Variants in FAM53A observed in about 807,000 individuals in gnomAD.
The protein encoded by FAM53A is protein FAM53A.
A neutral mutation model predicts 26.6 loss-of-function variants in FAM53A; 28 were observed. That is an observed-to-expected ratio of 1.05 (90% CI 0.78 to 1.45). The LOEUF is 1.45. Ranked by LOEUF, FAM53A falls within the 40% of genes most tolerant of loss-of-function variation. The pLI is 0.00. For synonymous variants in FAM53A, 290 were observed against 253.1 expected, an observed-to-expected ratio of 1.15 and a Z score of -1.38; for missense variants, 650 against 575.8, an observed-to-expected ratio of 1.13 and a Z score of -1.32.
At chr4:1,613,758 A>G (rs574381749), downstream of FAM53A, among the ~76,000 whole-genome samples, 2 of 152,310 alleles carry the variant, frequency 1.3e-5, no homozygotes, top group South Asian at 4.2e-4. Context: ...GCCACAGGAG[A>G]AAAACCACAC....
chr4:1,652,588 TCA>T lies in FAM53A; in HGVS notation c.882+2388_882+2389del, dbSNP rs1352197166. On this transcript the variant is annotated intron_variant, in intron 4 of 4. Transcript: ENST00000308132. The stretch of plus-strand genomic sequence containing the variant: ...ACACACACCACACACAGGCCACACA[TCA>T]CACACACCACACATCACTCACCACA... 4.2e-4 allele frequency among the ~76,000 whole-genome samples: 34 copies of T among 80,512 alleles called. No homozygotes were observed. In the East Asian group the frequency reaches 7.4e-3, roughly 18 times the overall value. 52.8% of individuals were successfully genotyped at this position (80,512 alleles called of 152,430 possible).
chr4:1,605,942 T>C, the FAM53A span, among the ~76,000 whole-genome samples: 1 of 152,202 alleles, frequency 6.6e-6, no homozygotes, highest in South Asian at 2.1e-4. This position sits in a 1 kb window ranked among gnomAD's most constrained non-coding sequence, Gnocchi z 5.7. Context: ...AAACTGGAAG[T>C]GCTCTCTTTG....
At chr4:1,620,924 G>A (rs548069253) in intron 1 of FAM53A, among the ~76,000 whole-genome samples, 2 of 152,154 alleles carry the variant, frequency 1.3e-5, no homozygotes, top group South Asian at 2.1e-4. Context: ...CACCACATAC[G>A]TAGGCAACCT....
downstream of FAM53A, among the ~76,000 whole-genome samples, chr4:1,616,599 T>C (rs1324391355): frequency 6.6e-6 from 1 of 152,262 alleles, no homozygotes; most frequent in African/African-American, 2.4e-5. Context: ...GGCAAAATAG[T>C]TTATTTGAGC....
chr4:1,630,194 G>C lies in FAM53A; in HGVS notation c.432-12083C>G, dbSNP rs1274255080. On this transcript the variant is annotated intron_variant, in intron 1 of 1. Transcript: ENST00000489029. The surrounding 1 kb of genome is among the most constrained non-coding windows in gnomAD (Gnocchi z 4.3). The stretch of plus-strand genomic sequence containing the variant: ...CATCCCCTTCCAAGCTGTCGGAGCT[G>C]CCCACGAGGCAGGTGCACAAGACAG... 1.3e-5 allele frequency among the ~76,000 whole-genome samples: 2 copies of C among 152,184 alleles called. No homozygotes were observed. Among genetic ancestry groups the C allele is most frequent in the African/African-American group, 4.8e-5 (2 of 41,438 alleles).
intron 4 of FAM53A, among the ~76,000 whole-genome samples, chr4:1,649,116 A>AG (rs1326955701): frequency 7.5e-6 from 1 of 133,108 alleles, no homozygotes; most frequent in African/African-American, 2.9e-5. Context: ...AGAAAGGGAA[A>AG]GGGAAGAGGA....
chr4:1,578,415 G>C, the FAM53A span, among the ~76,000 whole-genome samples: 1 of 133,694 alleles, frequency 7.5e-6, no homozygotes, highest in Non-Finnish European at 1.7e-5. Context: ...CGGTGCGTGC[G>C]CTAGTGCCCG....
chr4:1,632,597 T>C (rs1560120415), intron 1 of FAM53A, among the ~76,000 whole-genome samples: 1 of 152,212 alleles, frequency 6.6e-6, no homozygotes, highest in East Asian at 1.9e-4. Flanking sequence ...TCTGCGCCCT[T>C]AGAGTAGAGC....
chr4:1,605,770 GC>G, the FAM53A span, among the ~76,000 whole-genome samples: 2 of 152,196 alleles, frequency 1.3e-5, no homozygotes, highest in East Asian at 1.9e-4. This position sits in a 1 kb window ranked among gnomAD's most constrained non-coding sequence, Gnocchi z 5.7. Context: ...AAACCCTGGG[GC>G]GGGCACAGCT....
chr4:1,669,710 G>C (rs1714492321), intron 1 of FAM53A, among the ~76,000 whole-genome samples: 1 of 152,240 alleles, frequency 6.6e-6, no homozygotes, highest in Non-Finnish European at 1.5e-5. Flanking sequence ...AGCAAAACCA[G>C]CAACTTGGAG....
downstream of FAM53A, among the ~76,000 whole-genome samples, chr4:1,614,301 G>A (rs1253505220): frequency 6.6e-6 from 1 of 151,986 alleles, no homozygotes; most frequent in African/African-American, 2.4e-5. Flanking sequence ...GCCTGCTGAG[G>A]AGCACCCAAG....
chr4:1,622,260 G>A (rs372803012), intron 1 of FAM53A, among the ~76,000 whole-genome samples: 11 of 152,200 alleles, frequency 7.2e-5, no homozygotes, highest in Non-Finnish European at 1.3e-4. Context: ...TCCAGCCAGC[G>A]TGACGGTCAG....
chr4:1,604,092 T>C, the FAM53A span, among the ~76,000 whole-genome samples: 1 of 151,970 alleles, frequency 6.6e-6, no homozygotes, highest in African/African-American at 2.4e-5. Flanking sequence ...CCAGGCAGGG[T>C]GCCTGCCCCT....
At chr4:1,637,198 G>A (rs1715882886), downstream of FAM53A, among the ~76,000 whole-genome samples, 1 of 152,072 alleles carries the variant, frequency 6.6e-6, no homozygotes, top group South Asian at 2.1e-4. Flanking sequence ...GGTGGGGGGT[G>A]GGGGCGGGGA....
At chr4:1,610,222 C>A in the FAM53A span, among the ~76,000 whole-genome samples, 1 of 152,020 alleles carries the variant, frequency 6.6e-6, no homozygotes, top group Non-Finnish European at 1.5e-5. Context: ...CAACCCCTCC[C>A]TACACCCCAC....
At chr4:1,641,678 A>C in intron 4 of FAM53A, 71 bp from the exon 5 acceptor site, 6 of 1,510,818 alleles carry the variant, frequency 4.0e-6, no homozygotes, top group Non-Finnish European at 5.5e-6. Context: ...CCACCAACCC[A>C]TCGAGGGCTC....
intron 4 of FAM53A, chr4:1,644,619 C>T: frequency 7.0e-6 from 3 of 429,374 alleles, no homozygotes. Flanking sequence ...GCTACCATCA[C>T]TCTGGTTGGA....
In FAM53A at chr4:1,620,420, G is replaced by T. The variant is rs193232976; in HGVS notation, c.432-2309C>A. 5.3e-5 allele frequency among the ~76,000 whole-genome samples: 8 copies of T among 152,024 alleles called. No homozygotes were observed. The East Asian group carries it at 9.7e-4, about 18-fold the overall frequency. On this transcript the variant is annotated intron_variant, in intron 1 of 1. Coordinates refer to the FAM53A transcript ENST00000489029. ...CTTTCCGGGAGTTGTTTCCACAGAG[G>T]GGGGATTCTCTTTGGTTCCTGCCAC...
At chr4:1,639,060 G>A (rs1407939260), downstream of FAM53A, among the ~76,000 whole-genome samples, 2 of 152,164 alleles carry the variant, frequency 1.3e-5, no homozygotes, top group African/African-American at 2.4e-5. Context: ...CCTCATCTCT[G>A]ACGCCCTCCC....
Sources: allele counts gnomAD v4.1 joint callset (sites outside exome capture counted in the v4.1 genomes callset), GRCh38; gene constraint gnomAD v4.1.1; non-coding constraint Gnocchi (gnomAD v3.1); transcripts MANE v1.5; gene names NCBI Gene and HGNC (gene_info 2026-07-23, HGNC 2026-07-21).